WASL: variants seen among roughly 807,000 people sequenced by gnomAD.
WASL encodes the protein actin nucleation-promoting factor WASL.
A neutral mutation model predicts 55.5 loss-of-function variants in WASL; 20 were observed. The ratio of observed to expected loss-of-function variants is 0.36; its 90% CI spans 0.25 to 0.52. The LOEUF is 0.52. Among genes scored for constraint, WASL ranks in the 20% least tolerant of loss-of-function variants. WASL has a pLI of 0.92. For synonymous variants in WASL, 249 were observed against 217.6 expected, an observed-to-expected ratio of 1.14 and a Z score of -1.27; for missense variants, 504 against 622.5, an observed-to-expected ratio of 0.81 and a Z score of 2.03.
At chr7:123,705,013 A>G (rs959433687) in intron 4 of WASL, among the ~76,000 whole-genome samples, 5 of 152,216 alleles carry the variant, frequency 3.3e-5, no homozygotes, top group African/African-American at 1.2e-4. Context: ...AAGCTCTTAC[A>G]GAATTTTAAA....
intron 1 of WASL, among the ~76,000 whole-genome samples, chr7:123,747,021 G>A (rs762288725): frequency 2.0e-5 from 3 of 152,068 alleles, no homozygotes; most frequent in Admixed American, 6.5e-5. Flanking sequence ...AAACATTAGT[G>A]GTGCTTTAAG....
Position 123,692,565 on chromosome 7 carries a change from G to A in WASL, c.1129C>T (p.Pro377Ser). Residue 377 changes from proline to serine, a missense_variant, in exon 9 of 11, where the codon CCT (proline) becomes TCT (serine). Pro to Ser is a moderately conservative substitution (Grantham distance 74, BLOSUM62 -1). Coordinates refer to ENST00000223023, the MANE Select transcript of WASL (RefSeq NM_003941.4). The part of the protein sequence containing the change: ...GVGPVAPPPP[P>S]PPPPPPGPPP... ...GGCCCAGGAGGAGGTGGAGGTGGAG[G>A]CGGTGGGGGTGGTGCCACTGGCCCT... 1.2e-6 allele frequency: 2 copies of A among 1,613,412 alleles called. No homozygotes were observed. Among genetic ancestry groups the A allele is most frequent in the Non-Finnish European group, 1.7e-6 (2 of 1,179,558 alleles).
At chr7:123,735,759 A>T (rs549088762) in intron 1 of WASL, among the ~76,000 whole-genome samples, 16 of 152,204 alleles carry the variant, frequency 1.1e-4, no homozygotes, top group African/African-American at 3.9e-4. Context: ...GGAAAAAGCA[A>T]GGAGGAGGAG....
At chr7:123,712,187 G>C in intron 1 of WASL, among the ~76,000 whole-genome samples, 1 of 151,838 alleles carries the variant, frequency 6.6e-6, no homozygotes, top group Non-Finnish European at 1.5e-5. Context: ...TGAAGTGCTT[G>C]TTTGTGTACC....
At chr7:123,717,251 G>A (rs956027969) in intron 1 of WASL, among the ~76,000 whole-genome samples, 1 of 152,148 alleles carries the variant, frequency 6.6e-6, no homozygotes, top group African/African-American at 2.4e-5. Context: ...GTTTGTCCTG[G>A]GGAAAAGAGG....
rs777716895 is a variant in WASL, at chr7:123,739,898, GTGTGTGTGTGTGTGTGTA to G, written c.117+8702_117+8719del. On this transcript the variant is annotated intron_variant, in intron 1 of 10. Transcript: ENST00000223023. ...TATATGTGTGTGTGTGTGTGTGTGT[GTGTGTGTGTGTGTGTGTA>G]TATATATATATATATGCTGGTTTGC... 1.8e-3 allele frequency among the ~76,000 whole-genome samples: 101 copies of G among 56,074 alleles called. 1 individual carries two copies. Among genetic ancestry groups the G allele is most frequent in the South Asian group, 4.8e-3 (7 of 1,460 alleles). The allele number at this position is 56,074 out of a possible 152,430, so 36.8% of individuals were successfully genotyped here. A position where few individuals can be genotyped will look rare whatever the true frequency, so the allele number is the denominator to read the frequency against.
At chr7:123,737,179 G>C (rs2116822560) in intron 1 of WASL, among the ~76,000 whole-genome samples, 1 of 152,238 alleles carries the variant, frequency 6.6e-6, no homozygotes, top group South Asian at 2.1e-4. Context: ...AAAATATCAT[G>C]TTTTAAGACT....
In WASL at chr7:123,683,365, T is replaced by C. The variant is rs576902249; in HGVS notation, c.*1154A>G. 1.8e-4 allele frequency: 28 copies of C among 151,968 alleles called. No homozygotes were observed. The highest frequency in any genetic ancestry group is 1.8e-3 in the Admixed American group (28 of 15,252). The allele number at this position is 151,968 out of a possible 1,614,324, so 9.4% of individuals were successfully genotyped here. ...CATAACAAATGTGCAGGTTGTAAAG[T>C]TTTATCTTTAAAAAAAAAAAATCTA... On this transcript the variant is annotated 3_prime_UTR_variant, in exon 11 of 11. Coordinates refer to ENST00000223023, the MANE Select transcript of WASL (RefSeq NM_003941.4).
intron 1 of WASL, among the ~76,000 whole-genome samples, chr7:123,720,553 G>A (rs1045881092): frequency 6.6e-6 from 1 of 152,082 alleles, no homozygotes; most frequent in East Asian, 1.9e-4. Context: ...TTGTTTAAAG[G>A]TTCTGTGTGT....
intron 6 of WASL, 125 bp downstream of exon 6, chr7:123,696,454 G>T: frequency 4.8e-6 from 4 of 833,988 alleles, no homozygotes; most frequent in South Asian, 4.7e-5. Context: ...AGTTAAAACG[G>T]TATCCAAGTG....
chr7:123,745,445 G>C (rs2402672), intron 1 of WASL, among the ~76,000 whole-genome samples: 15,088 of 152,038 alleles, frequency 0.099, 924 homozygotes, highest in Non-Finnish European at 0.13. Context: ...GGTATCTTCA[G>C]CGGTGAGAGA....
chr7:123,741,907 T>C lies in WASL; in HGVS notation c.117+6711A>G, dbSNP rs1804349071. Among the ~76,000 whole-genome samples, 5 of 152,340 alleles carry C rather than the reference T, an allele frequency of 3.3e-5. No individual in the cohort carries two copies. In the South Asian group the frequency reaches 1.0e-3, roughly 32 times the overall value. On this transcript the variant is annotated intron_variant, in intron 1 of 10. Transcript: ENST00000223023. ...TCTATATGTTATGAGGAATCCTGAA[T>C]GTCCTAATCAAACCTGCTCTCTAAT...
intron 1 of WASL, among the ~76,000 whole-genome samples, chr7:123,748,241 A>AGTT (rs1251536482): frequency 6.6e-6 from 1 of 151,996 alleles, no homozygotes; most frequent in African/African-American, 2.4e-5. Flanking sequence ...AAGCAGTAAG[A>AGTT]GGTGAAGCGA....
At chr7:123,710,300 T>C (rs1424820759) in intron 1 of WASL, among the ~76,000 whole-genome samples, 3 of 150,598 alleles carry the variant, frequency 2.0e-5, no homozygotes, top group Non-Finnish European at 4.4e-5. Flanking sequence ...AAATAAAATA[T>C]TTCATATAAA....
At chr7:123,733,693 GACTGAC>G (rs1804176824) in intron 1 of WASL, among the ~76,000 whole-genome samples, 1 of 152,016 alleles carries the variant, frequency 6.6e-6, no homozygotes, top group South Asian at 2.1e-4. Flanking sequence ...AACATCAGAG[GACTGAC>G]ACTACCTGTC....
chr7:123,709,523 A>G (rs185572435), intron 1 of WASL, among the ~76,000 whole-genome samples: 1 of 152,138 alleles, frequency 6.6e-6, no homozygotes. Flanking sequence ...CTCATTTGTT[A>G]TTACTATGAT....
chr7:123,723,519 A>G (rs1477018042), intron 1 of WASL, among the ~76,000 whole-genome samples: 2 of 152,218 alleles, frequency 1.3e-5, no homozygotes, highest in Admixed American at 1.3e-4. Context: ...TGGCTTGTAT[A>G]CATATGACAA....
chr7:123,697,622 GACT>G (rs1241930096), intron 5 of WASL, among the ~76,000 whole-genome samples: 1 of 152,180 alleles, frequency 6.6e-6, no homozygotes, highest in African/African-American at 2.4e-5. Flanking sequence ...CCTCTGAGGT[GACT>G]ACATTAACGA....
intron 5 of WASL, among the ~76,000 whole-genome samples, chr7:123,698,090 T>C (rs772079659): frequency 2.6e-5 from 4 of 152,078 alleles, no homozygotes; most frequent in East Asian, 3.8e-4. Context: ...ATCCCATGTG[T>C]CTTTCCCTTT....
Sources: gnomAD v4.1 joint callset for allele counts (sites outside exome capture counted in the v4.1 genomes callset) on GRCh38, gnomAD v4.1.1 for gene constraint, MANE v1.5 for transcripts, NCBI Gene and HGNC (gene_info 2026-07-23, HGNC 2026-07-21) for gene names.